PPFIBP1: variants seen among roughly 807,000 people sequenced by gnomAD.
The protein encoded by PPFIBP1 is liprin-beta-1.
In PPFIBP1, 112 loss-of-function variants were observed where a neutral mutation model predicts 137.8. The ratio of observed to expected loss-of-function variants is 0.81; its 90% CI spans 0.70 to 0.95. The LOEUF (loss-of-function observed/expected upper bound fraction) is 0.95, where lower values mean the gene tolerates loss of function less well. PPFIBP1 is among the 40% of genes least tolerant of loss of function. PPFIBP1 has a pLI of 0.00. For synonymous variants in PPFIBP1, 378 were observed against 417.3 expected, an observed-to-expected ratio of 0.91 and a Z score of 1.15; for missense variants, 1,083 against 1,196.6, an observed-to-expected ratio of 0.91 and a Z score of 1.40.
chr12:27,581,315 G>A (rs2051091334), intron 2 of PPFIBP1, among the ~76,000 whole-genome samples: 2 of 152,208 alleles, frequency 1.3e-5, no homozygotes, highest in Admixed American at 6.5e-5. Flanking sequence ...ATGGATGATA[G>A]TGGTGAATGC....
intron 16 of PPFIBP1, 37 bp from the exon 17 acceptor site, chr12:27,674,155 C>T (rs2060362015): frequency 1.3e-6 from 2 of 1,526,588 alleles, no homozygotes; most frequent in Non-Finnish European, 9.0e-7. Context: ...CAAAGGATTT[C>T]CCTAACAACC....
chr12:27,576,162 T>G (rs1483341998), intron 1 of PPFIBP1, among the ~76,000 whole-genome samples: 1 of 152,198 alleles, frequency 6.6e-6, no homozygotes, highest in East Asian at 1.9e-4. Context: ...CCACCGCTTT[T>G]TTTTTCATTT....
At chr12:27,669,102 A>G (rs1407864950) in intron 13 of PPFIBP1, among the ~76,000 whole-genome samples, 1 of 152,112 alleles carries the variant, frequency 6.6e-6, no homozygotes, top group Non-Finnish European at 1.5e-5. Context: ...ACATTTTACT[A>G]TAGGTAGTGA....
chr12:27,690,708 GT>G (rs1438379624), intron 27 of PPFIBP1, among the ~76,000 whole-genome samples: 1 of 152,244 alleles, frequency 6.6e-6, no homozygotes, highest in Non-Finnish European at 1.5e-5. Context: ...ATTGATTGCA[GT>G]TGTTCTGTTT....
chr12:27,669,114 A>G (rs1210324017), intron 13 of PPFIBP1, among the ~76,000 whole-genome samples: 2 of 152,180 alleles, frequency 1.3e-5, no homozygotes, highest in Non-Finnish European at 2.9e-5. Flanking sequence ...AGGTAGTGAG[A>G]AGAAACCAAG....
intron 9 of PPFIBP1, 139 bp downstream of exon 9, chr12:27,656,869 G>A (rs2059233152): frequency 3.3e-6 from 2 of 603,494 alleles, no homozygotes; most frequent in East Asian, 5.9e-5. Flanking sequence ...AGAACCACAG[G>A]GGATTCTCCA....
chr12:27,646,114 G>C lies in PPFIBP1; in HGVS notation c.323G>C (p.Arg108Pro). The change falls in exon 5 of 30, where the codon CGT becomes CCT. Residue 108 changes from arginine to proline, a missense_variant. Transcript: ENST00000228425. Reference sequence around the variant, plus strand: ...GATGTGTATCAAGAAAGGCTGGCACGTTTAGAAAATGATAAAGAATCCCTC... The same window carrying C: ...GATGTGTATCAAGAAAGGCTGGCACCTTTAGAAAATGATAAAGAATCCCTC... ...NGDVYQERLA[R>P]LENDKESLVL... is the part of the protein sequence containing the mutation. 1 of 1,612,058 alleles carries C rather than the reference G, an allele frequency of 6.2e-7. No homozygotes were observed. Among genetic ancestry groups the C allele is most frequent in the Non-Finnish European group, 8.5e-7 (1 of 1,178,442 alleles).
chr12:27,538,783 A>G (rs56989163), intron 1 of PPFIBP1, among the ~76,000 whole-genome samples: 26,018 of 152,218 alleles, frequency 0.17, 2,459 homozygotes, highest in Middle Eastern at 0.26. Flanking sequence ...TGGGCACGAA[A>G]GTAGTATGGA....
At chr12:27,600,974 C>G (rs2053920521) in intron 2 of PPFIBP1, among the ~76,000 whole-genome samples, 1 of 152,072 alleles carries the variant, frequency 6.6e-6, no homozygotes, top group Non-Finnish European at 1.5e-5. Context: ...GTGGTGAGAA[C>G]TTTTAAAATC....
chr12:27,692,743 G>A, intron 29 of PPFIBP1, 53 bp from the exon 30 acceptor site: 2 of 1,613,960 alleles, frequency 1.2e-6, no homozygotes, highest in East Asian at 2.2e-5. Context: ...TGGAGAATGT[G>A]TAGCTCTGAG....
intron 2 of PPFIBP1, among the ~76,000 whole-genome samples, chr12:27,623,273 G>A (rs1971732): frequency 7.2e-5 from 11 of 152,306 alleles, no homozygotes; most frequent in Non-Finnish European, 1.3e-4. Flanking sequence ...CAAACTCTTA[G>A]GAATAATGTC....
intron 1 of PPFIBP1, among the ~76,000 whole-genome samples, chr12:27,534,342 C>A (rs568996776): frequency 9.9e-5 from 15 of 152,106 alleles, no homozygotes; most frequent in African/African-American, 3.6e-4. Flanking sequence ...TCACTGCAGG[C>A]GGTCTGCATT....
chr12:27,691,715 C>T (rs758351697), intron 27 of PPFIBP1, 34 bp from the exon 28 acceptor site: 3 of 1,569,142 alleles, frequency 1.9e-6, no homozygotes, highest in Non-Finnish European at 2.6e-6. Flanking sequence ...TTTATCAAAT[C>T]CTTTGGATGT....
intron 1 of PPFIBP1, among the ~76,000 whole-genome samples, chr12:27,555,662 A>T (rs2048648065): frequency 1.3e-5 from 2 of 152,222 alleles, no homozygotes; most frequent in South Asian, 4.1e-4. Flanking sequence ...CTTGGCGATG[A>T]TATAGCACGT....
At position 27,682,469 on chromosome 12, in the gene PPFIBP1, A is replaced by T. The variant is rs774612017; in HGVS notation, c.2129A>T (p.His710Leu). 41 of 1,613,898 alleles carry T rather than the reference A, an allele frequency of 2.5e-5. No homozygotes were observed. Among genetic ancestry groups the T allele is most frequent in the Non-Finnish European group, 3.2e-5 (38 of 1,179,872 alleles). The change falls in exon 23 of 30, where the codon CAT becomes CTT. Residue 710 changes from histidine to leucine, a missense_variant. Transcript: ENST00000228425. ...QALGSEEETNHGKLDFNWVTR... is the reference protein window; with the variant it reads ...QALGSEEETNLGKLDFNWVTR... ...CTGGGATCTGAAGAAGAAACCAATCATGGGAAGCTGGATTTCAACTGGGTC... is the reference window on the plus strand; with the variant it reads ...CTGGGATCTGAAGAAGAAACCAATCTTGGGAAGCTGGATTTCAACTGGGTC...
chr12:27,675,000 T>TTTTTTTA (rs2060432199), intron 17 of PPFIBP1, among the ~76,000 whole-genome samples: 1 of 151,512 alleles, frequency 6.6e-6, no homozygotes, highest in African/African-American at 2.4e-5. Flanking sequence ...CGTTTGTTTT[T>TTTTTTTA]TTTTTTATTT....
In PPFIBP1 at chr12:27,539,035, A is replaced by G. The variant is rs182002461; in HGVS notation, c.-124+14670A>G. On this transcript the variant is annotated intron_variant, in intron 1 of 29. Transcript: ENST00000228425. ...CAATGCACAGGACAGCCCCCCACCA[A>G]TGAAGAATTATCCTGCCTCTAAGTA... Among the ~76,000 whole-genome samples the G allele has an allele frequency of 2.0e-4, 30 of 152,322 alleles. No homozygotes were observed. The East Asian group carries it at 5.4e-3, about 27-fold the overall frequency.
intron 1 of PPFIBP1, among the ~76,000 whole-genome samples, chr12:27,561,090 T>C (rs2049122653): frequency 6.6e-6 from 1 of 152,158 alleles, no homozygotes; most frequent in African/African-American, 2.4e-5. Flanking sequence ...GAGACATGTA[T>C]ACCTAACATA....
intron 18 of PPFIBP1, 162 bp downstream of exon 18, chr12:27,676,761 A>G (rs1217298625): frequency 1.4e-6 from 1 of 737,644 alleles, no homozygotes; most frequent in African/African-American, 1.8e-5. Context: ...CGTGGATTTA[A>G]TTTAGTGTTG....
Sources: gnomAD v4.1 joint callset for allele counts (sites outside exome capture counted in the v4.1 genomes callset) on GRCh38, gnomAD v4.1.1 for gene constraint, MANE v1.5 for transcripts, NCBI Gene and HGNC (gene_info 2026-07-23, HGNC 2026-07-21) for gene names.